The following MEI4 variants were observed in gnomAD, a reference collection of about 807,000 sequenced individuals.
MEI4 encodes the protein meiotic double-stranded break formation protein 4.
Under a neutral mutation model 31.4 loss-of-function variants are expected in MEI4, and 27 were observed. The observed-to-expected ratio is 0.86, with a 90% CI of 0.63 to 1.19. MEI4 has a LOEUF of 1.19. MEI4 is among the 50% of genes most tolerant of loss of function. The pLI, the probability that MEI4 is intolerant of heterozygous loss-of-function variation, is 0.00. For synonymous variants in MEI4, 122 were observed against 145.4 expected, an observed-to-expected ratio of 0.84 and a Z score of 1.16; for missense variants, 329 against 398.9, an observed-to-expected ratio of 0.82 and a Z score of 1.49.
chr6:77,697,932 T>C (rs1433455060), intron 2 of MEI4, among the ~76,000 whole-genome samples: 1 of 152,184 alleles, frequency 6.6e-6, no homozygotes, highest in Non-Finnish European at 1.5e-5. Flanking sequence ...AGGACTTGCT[T>C]TATGAATCTG....
intron 2 of MEI4, among the ~76,000 whole-genome samples, chr6:77,715,477 T>G (rs1766557881): frequency 6.6e-6 from 1 of 152,236 alleles, no homozygotes; most frequent in Admixed American, 6.5e-5. Context: ...GGTGCCAAAG[T>G]AATTATAGTT....
intron 1 of MEI4, among the ~76,000 whole-genome samples, chr6:77,688,589 G>T (rs1769101398): frequency 6.6e-6 from 1 of 152,062 alleles, no homozygotes; most frequent in Non-Finnish European, 1.5e-5. Flanking sequence ...AAATATCTCT[G>T]CAGGATGACA....
chr6:77,715,533 C>G (rs532874623), intron 2 of MEI4, among the ~76,000 whole-genome samples: 2 of 152,160 alleles, frequency 1.3e-5, no homozygotes, highest in Admixed American at 1.3e-4. Context: ...GACCAGTGAG[C>G]TTTTTTTGGC....
intron 2 of MEI4, among the ~76,000 whole-genome samples, chr6:77,758,071 A>G (rs996466792): frequency 6.6e-6 from 1 of 150,702 alleles, no homozygotes; most frequent in Non-Finnish European, 1.5e-5. Context: ...CAGGAGAATC[A>G]CTTGAACCCA....
At chr6:77,813,999 T>C (rs888866210) in intron 3 of MEI4, among the ~76,000 whole-genome samples, 2 of 152,172 alleles carry the variant, frequency 1.3e-5, no homozygotes, top group Non-Finnish European at 2.9e-5. Context: ...GGAAGATTTT[T>C]CACAAGACCT....
At chr6:77,906,605 A>G (rs1766302052) in intron 4 of MEI4, among the ~76,000 whole-genome samples, 1 of 152,126 alleles carries the variant, frequency 6.6e-6, no homozygotes, top group South Asian at 2.1e-4. Flanking sequence ...CCATTTTGGC[A>G]TTGGGTTAAG....
intron 4 of MEI4, among the ~76,000 whole-genome samples, chr6:77,909,469 G>A (rs1766379846): frequency 6.6e-6 from 1 of 151,954 alleles, no homozygotes; most frequent in Non-Finnish European, 1.5e-5. Flanking sequence ...AGAAATGAAT[G>A]AATTCCTCAG....
chr6:77,730,799 C>G (rs1394891017), intron 2 of MEI4, among the ~76,000 whole-genome samples: 1 of 137,142 alleles, frequency 7.3e-6, no homozygotes, highest in African/African-American at 2.7e-5. Context: ...CAAAACAGTC[C>G]CCAGAGTGTG....
chr6:77,783,863 A>G (rs1768661505), intron 3 of MEI4, among the ~76,000 whole-genome samples: 1 of 152,160 alleles, frequency 6.6e-6, no homozygotes, highest in Admixed American at 6.6e-5. Context: ...ACTTATCAAT[A>G]TATGTTTACT....
chr6:77,888,462 A>G (rs74472514), intron 4 of MEI4, among the ~76,000 whole-genome samples: 3 of 149,802 alleles, frequency 2.0e-5, no homozygotes, highest in South Asian at 4.2e-4. Flanking sequence ...TCCTGTTTCC[A>G]TGGTGATGTA....
intron 3 of MEI4, among the ~76,000 whole-genome samples, chr6:77,776,639 A>G (rs1233566989): frequency 6.6e-6 from 1 of 152,174 alleles, no homozygotes; most frequent in Non-Finnish European, 1.5e-5. Context: ...ATAAAGAAGG[A>G]TAAAACCTAG....
At chr6:77,791,588 G>A (rs1450759963) in intron 3 of MEI4, among the ~76,000 whole-genome samples, 73 of 148,196 alleles carry the variant, frequency 4.9e-4, no homozygotes, top group African/African-American at 1.8e-3. Context: ...GCTAGATGAC[G>A]AGTTAGTGGG....
chr6:77,728,854 A>C (rs776820696), intron 2 of MEI4, among the ~76,000 whole-genome samples: 5 of 152,210 alleles, frequency 3.3e-5, no homozygotes, highest in Non-Finnish European at 5.9e-5. Flanking sequence ...CTTTCAATAC[A>C]GTGGGAATTC....
At chr6:77,662,331 C>G (rs1464732881) in intron 1 of MEI4, among the ~76,000 whole-genome samples, 1 of 152,006 alleles carries the variant, frequency 6.6e-6, no homozygotes, top group Non-Finnish European at 1.5e-5. Flanking sequence ...GGGTGAGAAA[C>G]AGGGAAGAAG....
At chr6:77,810,591 T>C (rs1265854443) in intron 3 of MEI4, among the ~76,000 whole-genome samples, 2 of 152,266 alleles carry the variant, frequency 1.3e-5, no homozygotes, top group East Asian at 3.9e-4. Context: ...AACTTAGAAT[T>C]CCTAGGCTGT....
chr6:77,919,841 C>A (rs1299987781), intron 4 of MEI4, among the ~76,000 whole-genome samples: 2 of 149,886 alleles, frequency 1.3e-5, no homozygotes, highest in Non-Finnish European at 3.0e-5. Context: ...CACAGAAATA[C>A]AAACTACCAT....
intron 3 of MEI4, among the ~76,000 whole-genome samples, chr6:77,794,056 ACT>A (rs1325640988): frequency 6.6e-6 from 1 of 152,208 alleles, no homozygotes; most frequent in African/African-American, 2.4e-5. Flanking sequence ...CCTACAAGGA[ACT>A]CACTTCAGTT....
chr6:77,801,679 T>C (rs1769264461), intron 3 of MEI4, among the ~76,000 whole-genome samples: 1 of 152,172 alleles, frequency 6.6e-6, no homozygotes, highest in South Asian at 2.1e-4. Flanking sequence ...GAGATTCTGG[T>C]ATGTTGTGTC....
chr6:77,756,448 A>G (rs1366894887), intron 2 of MEI4, among the ~76,000 whole-genome samples: 1 of 152,140 alleles, frequency 6.6e-6, no homozygotes, highest in African/African-American at 2.4e-5. Context: ...CAGAGTTTTC[A>G]TCGTTGAGGA....
Sources: gnomAD v4.1 joint callset for allele counts (sites outside exome capture counted in the v4.1 genomes callset) on GRCh38, gnomAD v4.1.1 for gene constraint, MANE v1.5 for transcripts, NCBI Gene and HGNC (gene_info 2026-07-23, HGNC 2026-07-21) for gene names.